FAM13C: variants seen among roughly 807,000 people sequenced by gnomAD.
FAM13C encodes protein FAM13C.
FAM13C carries 37 observed loss-of-function variants against 73.2 expected under a neutral mutation model. The ratio of observed to expected loss-of-function variants is 0.51; its 90% CI spans 0.39 to 0.67. The LOEUF (loss-of-function observed/expected upper bound fraction) is 0.67. Ranked by LOEUF, FAM13C falls within the 30% of genes least tolerant of loss-of-function variation. The pLI, the probability that FAM13C is intolerant of heterozygous loss-of-function variation, is 0.00. For synonymous variants in FAM13C, 246 were observed against 260.9 expected (o/e 0.94, Z 0.55); for missense variants, 589 against 715.6 (o/e 0.82, Z 2.02).
At chr10:59,303,783 T>C (rs1847881761) in intron 4 of FAM13C, among the ~76,000 whole-genome samples, 1 of 152,170 alleles carries the variant, frequency 6.6e-6, no homozygotes, top group African/African-American at 2.4e-5. Flanking sequence ...TGGTTTTGAT[T>C]TGCATTTCTC....
At chr10:59,360,936 TGA>T (rs1285819105) in intron 1 of FAM13C, 22 of 947,106 alleles carry the variant, frequency 2.3e-5, no homozygotes, top group Non-Finnish European at 3.2e-5. Flanking sequence ...TGCCTGTGAC[TGA>T]CCGAGGATTT....
At chr10:59,361,150 T>C in intron 1 of FAM13C, 4 of 1,247,494 alleles carry the variant, frequency 3.2e-6, no homozygotes, top group Non-Finnish European at 4.2e-6. Flanking sequence ...TACCAAGCAA[T>C]CTTATAAACA....
intron 3 of FAM13C, among the ~76,000 whole-genome samples, chr10:59,334,708 A>G (rs933485075): frequency 1.4e-5 from 2 of 144,888 alleles, no homozygotes; most frequent in African/African-American, 5.1e-5. Context: ...GAATTGAACA[A>G]TGAGAACACA....
At chr10:59,315,874 T>C (rs1185254799) in intron 4 of FAM13C, among the ~76,000 whole-genome samples, 1 of 152,182 alleles carries the variant, frequency 6.6e-6, no homozygotes, top group Non-Finnish European at 1.5e-5. Flanking sequence ...TCTCTCAAAG[T>C]TACTAGTTGT....
intron 6 of FAM13C, among the ~76,000 whole-genome samples, chr10:59,271,067 A>T (rs942364757): frequency 6.6e-6 from 1 of 152,182 alleles, no homozygotes; most frequent in Non-Finnish European, 1.5e-5. Flanking sequence ...GGCCAGAAGA[A>T]GGAGCTCTGC....
At chr10:59,251,435 G>A (rs1277092653) in intron 13 of FAM13C, 140 bp downstream of exon 13, 3 of 751,292 alleles carry the variant, frequency 4.0e-6, no homozygotes, top group Non-Finnish European at 7.0e-6. Context: ...TGTTGCATTG[G>A]ACAAATCCTG....
chr10:59,359,500 G>A (rs1403865336), intron 1 of FAM13C, among the ~76,000 whole-genome samples: 3 of 152,172 alleles, frequency 2.0e-5, no homozygotes, highest in East Asian at 3.8e-4. Context: ...GTTCCCTGAA[G>A]GCAAAGTTGC....
At position 59,247,691 on chromosome 10, in the gene FAM13C, C is replaced by T. The variant is rs1456014867; in HGVS notation, c.1681G>A (p.Glu561Lys). The change falls in exon 14 of 14, where the codon GAA (glutamate) becomes AAA (lysine). Residue 561 changes from glutamate to lysine, a missense_variant. Physicochemically the swap from Glu to Lys is moderately conservative, Grantham distance 56 (BLOSUM62 1). Coordinates refer to ENST00000618804, the MANE Select transcript of FAM13C (RefSeq NM_198215.4). ...AGTTTGGCTTTTATGTGCTTATATTCATAATACTCATCTGCCATTGGTATC... is the reference window on the plus strand; with the variant it reads ...AGTTTGGCTTTTATGTGCTTATATTTATAATACTCATCTGCCATTGGTATC... ...DRIPMADEYYEYKHIKAKLRL... is the reference protein window; with the variant it reads ...DRIPMADEYYKYKHIKAKLRL... 6.2e-7 allele frequency: 1 copy of T among 1,613,288 alleles called. No homozygotes were observed. The highest frequency in any genetic ancestry group is 2.2e-5 in the East Asian group (1 of 44,796).
intron 5 of FAM13C, among the ~76,000 whole-genome samples, chr10:59,284,367 G>T (rs1845299480): frequency 6.6e-6 from 1 of 151,984 alleles, no homozygotes; most frequent in African/African-American, 2.4e-5. Context: ...CCACGAGAAG[G>T]TTCTGCAGGT....
In FAM13C at chr10:59,265,335, G is replaced by GGA. The variant is rs78422182; in HGVS notation, c.943-1170_943-1169insTC. Among the ~76,000 whole-genome samples the GGA allele has an allele frequency of 2.6e-3, 41 of 16,058 alleles. 10 individuals carry two copies. The highest frequency in any genetic ancestry group is 8.3e-3 in the African/African-American group (29 of 3,498). 10.5% of individuals were successfully genotyped at this position (16,058 alleles called of 152,430 possible). ...AAGGGGTTTTGGCGGGGGGGGGGGG[G>GGA]AATCCTGGTTTCAGGACCATGGACA... On this transcript the variant is annotated intron_variant, in intron 8 of 13. Transcript: ENST00000618804.
At chr10:59,361,254 G>A in intron 1 of FAM13C, 4 of 396,088 alleles carry the variant, frequency 1.0e-5, no homozygotes, top group South Asian at 4.2e-5. Flanking sequence ...GCTCAAAACT[G>A]GACACTAAAG....
chr10:59,292,877 A>G (rs998727928), intron 5 of FAM13C, among the ~76,000 whole-genome samples: 2 of 152,026 alleles, frequency 1.3e-5, no homozygotes, highest in Non-Finnish European at 2.9e-5. Flanking sequence ...CTATTTGAAA[A>G]TCCGTAGTAA....
Position 59,270,106 on chromosome 10 carries a change from G to C in FAM13C, c.596C>G (p.Pro199Arg), listed in dbSNP as rs781240537. 7 of 1,612,298 alleles carry C rather than the reference G, an allele frequency of 4.3e-6. No homozygotes were observed. Among genetic ancestry groups the C allele is most frequent in the Non-Finnish European group, 5.1e-6 (6 of 1,179,514 alleles). The stretch of plus-strand genomic sequence containing the variant: ...CTGCCCATCTTTGTGGACTGGTGAG[G>C]GGTCTGGGCAAATGAGACAAATCAT... ...VLADGTDSAD[P>R]SPVHKDGQNE... is the part of the protein sequence containing the mutation. Residue 199 changes from proline (P) to arginine (R), a missense_variant, in exon 7 of 14, where the codon CCC becomes CGC. By Grantham distance (103) the Pro-to-Arg change is moderately radical. Transcript: ENST00000618804.
chr10:59,355,521 G>A (rs1245094430), intron 2 of FAM13C, among the ~76,000 whole-genome samples: 2 of 152,166 alleles, frequency 1.3e-5, no homozygotes, highest in Non-Finnish European at 2.9e-5. Context: ...GTTTTTCCAC[G>A]ATACTATAAG....
chr10:59,291,949 T>C (rs754235406), intron 5 of FAM13C, among the ~76,000 whole-genome samples: 91 of 152,002 alleles, frequency 6.0e-4, no homozygotes, highest in Non-Finnish European at 9.9e-4. Flanking sequence ...CCATCACGCC[T>C]GGCGAATTTT....
intron 5 of FAM13C, among the ~76,000 whole-genome samples, chr10:59,299,605 C>T (rs765221464): frequency 6.6e-6 from 1 of 151,442 alleles, no homozygotes; most frequent in African/African-American, 2.4e-5. Flanking sequence ...ATGTGATCTA[C>T]AAGCATACAG....
chr10:59,267,701 A>C (rs995717873), intron 8 of FAM13C, among the ~76,000 whole-genome samples: 1 of 152,188 alleles, frequency 6.6e-6, no homozygotes, highest in Non-Finnish European at 1.5e-5. Context: ...TCTCATACTC[A>C]CAAGAACTTT....
chr10:59,286,335 G>A (rs892031598), intron 5 of FAM13C, among the ~76,000 whole-genome samples: 2 of 151,442 alleles, frequency 1.3e-5, no homozygotes, highest in African/African-American at 2.4e-5. Context: ...GCTAACATGG[G>A]GAAACCTCGT....
chr10:59,259,182 C>G (rs185528165), intron 10 of FAM13C, among the ~76,000 whole-genome samples: 1 of 152,132 alleles, frequency 6.6e-6, no homozygotes, highest in Non-Finnish European at 1.5e-5. Context: ...GAAAATTACT[C>G]ATTGACAGTA....
Sources: allele counts gnomAD v4.1 joint callset (sites outside exome capture counted in the v4.1 genomes callset), GRCh38; gene constraint gnomAD v4.1.1; transcripts MANE v1.5; gene names NCBI Gene and HGNC (gene_info 2026-07-23, HGNC 2026-07-21).